Variants in SIAH3 observed in about 807,000 individuals in gnomAD.
SIAH3 encodes seven in absentia homolog 3.
A neutral mutation model predicts 12.6 loss-of-function variants in SIAH3; 9 were observed. That is an observed-to-expected ratio of 0.72 (90% CI 0.43 to 1.25). The LOEUF (loss-of-function observed/expected upper bound fraction) is 1.25, where lower values mean the gene tolerates loss of function less well. Among genes scored for constraint, SIAH3 ranks in the 50% most tolerant of loss-of-function variants. SIAH3 has a pLI of 0.00. For missense variants in SIAH3, 390 were observed against 365.4 expected, an observed-to-expected ratio of 1.07 and a Z score of -0.55; for synonymous variants, 154 against 151.1, an observed-to-expected ratio of 1.02 and a Z score of -0.14.
chr13:45,827,422 A>G (rs190233067), intron 1 of SIAH3, among the ~76,000 whole-genome samples: 1 of 152,228 alleles, frequency 6.6e-6, no homozygotes, highest in Non-Finnish European at 1.5e-5. Context: ...TAAGAAAAAC[A>G]AACCTCTACT....
intron 1 of SIAH3, among the ~76,000 whole-genome samples, chr13:45,803,039 C>G (rs922672339): frequency 2.0e-5 from 3 of 151,950 alleles, no homozygotes; most frequent in African/African-American, 7.3e-5. Context: ...TCACTGCACT[C>G]CAGCCTGGGT....
chr13:45,811,023 G>C (rs1225215102), intron 1 of SIAH3, among the ~76,000 whole-genome samples: 1 of 152,220 alleles, frequency 6.6e-6, no homozygotes, highest in East Asian at 1.9e-4. Context: ...TTAAGAGAAT[G>C]AGCTTTGGAA....
At chr13:45,812,920 T>A (rs1950621004) in intron 1 of SIAH3, among the ~76,000 whole-genome samples, 3 of 152,232 alleles carry the variant, frequency 2.0e-5, no homozygotes, top group Admixed American at 2.0e-4. Context: ...GCAAGTCTCC[T>A]CCTGGGCTGG....
intron 1 of SIAH3, among the ~76,000 whole-genome samples, chr13:45,828,033 A>G (rs961623237): frequency 3.3e-5 from 5 of 152,226 alleles, no homozygotes; most frequent in Admixed American, 6.5e-5. Flanking sequence ...TTAGGTAGCC[A>G]GTCCCACCTC....
rs578145501 is a variant in SIAH3, at chr13:45,780,998, G to T, written c.*2385C>A. 6.6e-6 allele frequency: 1 copy of T among 152,446 alleles called. No individual in the cohort carries two copies. The highest frequency in any genetic ancestry group is 1.5e-5 in the Non-Finnish European group (1 of 68,036). The allele number at this position is 152,446 out of a possible 1,614,324, so 9.4% of individuals were successfully genotyped here. A position where few individuals can be genotyped will look rare whatever the true frequency, so the allele number is the denominator to read the frequency against. ...GTTCTTCACATATGGATATGGAGAG[G>T]CCTTTTGGGGAGCACCATAGATGGA... On this transcript the variant is annotated 3_prime_UTR_variant, in exon 2 of 2. Coordinates refer to ENST00000400405, the MANE Select transcript of SIAH3 (RefSeq NM_198849.3).
intron 1 of SIAH3, among the ~76,000 whole-genome samples, chr13:45,825,066 C>T (rs760862323): frequency 3.3e-5 from 5 of 152,048 alleles, no homozygotes; most frequent in African/African-American, 1.2e-4. Context: ...ACATATTTAT[C>T]GATTTCCACG....
intron 1 of SIAH3, among the ~76,000 whole-genome samples, chr13:45,794,668 G>A (rs944321754): frequency 2.0e-5 from 3 of 152,150 alleles, no homozygotes; most frequent in Non-Finnish European, 4.4e-5. Flanking sequence ...CATGTAAGAC[G>A]TGCCTTTGCT....
At chr13:45,837,540 G>A (rs1023737) in intron 1 of SIAH3, among the ~76,000 whole-genome samples, 7 of 130,398 alleles carry the variant, frequency 5.4e-5, no homozygotes, top group East Asian at 2.4e-4. Context: ...GAGACAAGAA[G>A]GAAGGAAGGA....
chr13:45,851,462 G>C, intron 1 of SIAH3, 33 bp downstream of exon 1: 1 of 1,612,878 alleles, frequency 6.2e-7, no homozygotes, highest in Non-Finnish European at 8.5e-7. Flanking sequence ...TTGAACCTGA[G>C]CCCGGTGAAG....
At chr13:45,827,277 G>C (rs1220135129) in intron 1 of SIAH3, among the ~76,000 whole-genome samples, 1 of 152,122 alleles carries the variant, frequency 6.6e-6, no homozygotes, top group East Asian at 1.9e-4. Flanking sequence ...CAAGATGCTG[G>C]AGCTGCAGCC....
intron 1 of SIAH3, among the ~76,000 whole-genome samples, chr13:45,790,547 A>C (rs1297622102): frequency 6.6e-6 from 1 of 152,090 alleles, no homozygotes; most frequent in Non-Finnish European, 1.5e-5. Flanking sequence ...GCGTTAGCTG[A>C]TTTATCCATG....
At chr13:45,822,623 T>C (rs551574077) in intron 1 of SIAH3, among the ~76,000 whole-genome samples, 2 of 145,642 alleles carry the variant, frequency 1.4e-5, no homozygotes, top group African/African-American at 5.2e-5. Flanking sequence ...TTATAGGTGA[T>C]TTTATTTTCT....
intron 1 of SIAH3, among the ~76,000 whole-genome samples, chr13:45,814,754 C>A (rs986300421): frequency 7.2e-6 from 1 of 139,356 alleles, no homozygotes; most frequent in Non-Finnish European, 1.5e-5. Flanking sequence ...GAGACAGAGG[C>A]TCCCTCTCTT....
chr13:45,818,010 C>A (rs1375321169), intron 1 of SIAH3, among the ~76,000 whole-genome samples: 11 of 152,184 alleles, frequency 7.2e-5, no homozygotes. Flanking sequence ...CTTCCTACTG[C>A]AAGTTCCTGC....
At chr13:45,784,089 G>T (rs1343261918) in intron 1 of SIAH3, 32 bp from the exon 2 acceptor site, 1 of 1,534,262 alleles carries the variant, frequency 6.5e-7, no homozygotes, top group Non-Finnish European at 8.8e-7. Flanking sequence ...TCAGTGCGGG[G>T]ATGAGGCCCA....
intron 1 of SIAH3, 140 bp from the exon 2 acceptor site, chr13:45,784,197 A>T: frequency 1.2e-6 from 1 of 805,182 alleles, no homozygotes; most frequent in East Asian, 2.5e-5. Context: ...ACAAACAAAC[A>T]AACAAACAAA....
Position 45,812,894 on chromosome 13 carries a change from G to A in SIAH3, c.136-28837C>T, listed in dbSNP as rs193094918. ...GCATGTCTTCACATGCTCAAATGCA[G>A]GAAGCAAATAAAGGTGCAAGTCTCC... On this transcript the variant is annotated intron_variant, in intron 1 of 1. Transcript: ENST00000400405. 2.8e-4 allele frequency among the ~76,000 whole-genome samples: 43 copies of A among 152,358 alleles called. 1 individual carries two copies. The highest frequency in any genetic ancestry group is 2.3e-3 in the Admixed American group (35 of 15,306).
intron 1 of SIAH3, among the ~76,000 whole-genome samples, chr13:45,820,809 C>A (rs545771040): frequency 6.6e-6 from 1 of 152,322 alleles, no homozygotes; most frequent in Non-Finnish European, 1.5e-5. Context: ...GGGAACCAGG[C>A]AGCTCCTGGC....
intron 1 of SIAH3, among the ~76,000 whole-genome samples, chr13:45,812,513 T>C (rs1950619525): frequency 6.6e-6 from 1 of 152,212 alleles, no homozygotes; most frequent in African/African-American, 2.4e-5. Context: ...AGCATTCCAT[T>C]AATCCTCACA....
Sources: gnomAD v4.1 joint callset for allele counts (sites outside exome capture counted in the v4.1 genomes callset) on GRCh38, gnomAD v4.1.1 for gene constraint, MANE v1.5 for transcripts, NCBI Gene and HGNC (gene_info 2026-07-23, HGNC 2026-07-21) for gene names.